The following ANKRD35 variants were observed in gnomAD, a reference collection of about 807,000 sequenced individuals.
The protein encoded by ANKRD35 is ankyrin repeat domain-containing protein 35.
A neutral mutation model predicts 109.9 loss-of-function variants in ANKRD35; 102 were observed. That is an observed-to-expected ratio of 0.93 (90% CI 0.79 to 1.09). ANKRD35 has a LOEUF of 1.09. Among genes scored for constraint, ANKRD35 ranks in the 50% least tolerant of loss-of-function variants. The probability of loss-of-function intolerance (pLI) is 0.00; values close to 1 mark genes in which losing one functional copy is unlikely to be tolerated. For synonymous variants in ANKRD35, 515 were observed against 512.4 expected, an observed-to-expected ratio of 1.01 and a Z score of -0.07; for missense variants, 1,240 against 1,230.1, an observed-to-expected ratio of 1.01 and a Z score of -0.12.
Position 145,872,998 on chromosome 1 carries a change from C to T in ANKRD35, c.1771G>A (p.Ala591Thr), listed in dbSNP as rs782412537. Reference protein sequence around the residue: ...DEEKEKRVPGAQGEPLGALGG... With the variant: ...DEEKEKRVPGTQGEPLGALGG... The stretch of plus-strand genomic sequence containing the variant: ...AGGGCCCCTAGAGGCTCTCCTTGAG[C>T]CCCAGGAACCCTTTTCTCCTTCTCT... Residue 591 changes from alanine (A) to threonine (T), a missense_variant, in exon 10 of 14, where the codon GCT becomes ACT. Physicochemically the swap from Ala to Thr is moderately conservative, Grantham distance 58. Transcript: ENST00000355594. 1.9e-6 allele frequency: 3 copies of T among 1,609,556 alleles called. No homozygotes were observed. Among genetic ancestry groups the T allele is most frequent in the Non-Finnish European group, 2.5e-6 (3 of 1,178,142 alleles).
rs1654095874 is a variant in ANKRD35, at chr1:145,876,829, T to C, written c.369A>G (p.Pro123=). Residue 123 remains proline, a synonymous_variant, in exon 5 of 14, where the codon CCA becomes CCG. Coordinates refer to ENST00000355594, the MANE Select transcript of ANKRD35 (RefSeq NM_144698.5). Reference sequence around the variant, plus strand: ...CCCTGCACACACCTGCCCAGTGCAATGGACTACGGTTTTCTGCATCCACAG... The same window carrying C: ...CCCTGCACACACCTGCCCAGTGCAACGGACTACGGTTTTCTGCATCCACAG... ...EDAVDAENRS[P]LHWAASSGCA... 3 of 1,614,058 alleles carry C rather than the reference T, an allele frequency of 1.9e-6. No individual in the cohort carries two copies. Among genetic ancestry groups the C allele is most frequent in the Admixed American group, 1.7e-5 (1 of 60,020 alleles).
rs1463831627 is a variant in ANKRD35 at position 145,885,761 on chromosome 1, C to A, written c.-3G>T. The A allele has an allele frequency of 1.9e-6, 3 of 1,613,808 alleles. No individual in the cohort carries two copies. In the African/African-American group the frequency reaches 4.0e-5, roughly 22 times the overall value. On this transcript the variant is annotated 5_prime_UTR_variant, in exon 1 of 14. Transcript: ENST00000355594. The stretch of plus-strand genomic sequence containing the variant: ...GAGCAGGAGAAGATACGCTTCATGG[C>A]CGGGGTCGGGGCCACGGGGGATGGG...
At position 145,869,188 on chromosome 1, in the gene ANKRD35, TG is replaced by T. The variant is rs200047152; in HGVS notation, c.2788-789del. Among the ~76,000 whole-genome samples the T allele has an allele frequency of 2.2e-3, 326 of 151,580 alleles. 2 individuals are homozygous for T. The East Asian group carries it at 0.023, about 11-fold the overall frequency. On this transcript the variant is annotated intron_variant, in intron 10 of 13. Transcript: ENST00000355594. ...GGAAGTTTGTTTTTTTGTTTTTTTT[TG>T]TTTGTTTGTTTTTTAGACTGAGTCT...
At chr1:145,868,143 C>G (rs1653673072) in intron 11 of ANKRD35, 87 bp from the exon 12 acceptor site, 1 of 1,508,768 alleles carries the variant, frequency 6.6e-7, no homozygotes, top group African/African-American at 1.4e-5. Context: ...TCAGCAGTAC[C>G]AGGTGGGCTC....
In ANKRD35 at chr1:145,874,698, A is replaced by C. The variant is rs930621284; in HGVS notation, c.745+124T>G. 29 of 1,212,412 alleles carry C rather than the reference A, an allele frequency of 2.4e-5. No individual in the cohort carries two copies. In the African/African-American group the frequency reaches 3.9e-4, roughly 16 times the overall value. The allele number at this position is 1,212,412 out of a possible 1,614,324, so 75.1% of individuals were successfully genotyped here. A position where few individuals can be genotyped will look rare whatever the true frequency, so the allele number is the denominator to read the frequency against. On this transcript the variant is annotated intron_variant, in intron 8 of 13. Coordinates refer to ENST00000355594, the MANE Select transcript of ANKRD35 (RefSeq NM_144698.5). ...GGTCCTCTCACAGTAGCAGCAATAA[A>C]TACGTAAACTCTCAACCCAGGTGAC... is the stretch of plus-strand genomic sequence containing the variant.
intron 7 of ANKRD35, among the ~76,000 whole-genome samples, chr1:145,875,425 A>G (rs7519186): frequency 0.43 from 64,702 of 151,920 alleles, 14,432 homozygotes; most frequent in African/African-American, 0.53. Flanking sequence ...GATTACAGGT[A>G]TGAGCCACTG....
At position 145,868,280 on chromosome 1, in the gene ANKRD35, TCCAGCACCATCC is replaced by T; in HGVS notation, c.2877+19_2877+30del. 1 of 1,608,018 alleles carries T rather than the reference TCCAGCACCATCC, an allele frequency of 6.2e-7. No homozygotes were observed. Among genetic ancestry groups the T allele is most frequent in the Non-Finnish European group, 8.5e-7 (1 of 1,174,494 alleles). ...ATCACTTCCACTGCTGACCTTCTTC[TCCAGCACCATCC>T]CTGACAGCCAAAACATACCTGCAGC... On this transcript the variant is annotated intron_variant, in intron 11 of 13. Coordinates refer to ENST00000355594, the MANE Select transcript of ANKRD35 (RefSeq NM_144698.5).
chr1:145,874,191 A>C lies in ANKRD35; in HGVS notation c.747T>G (p.Gly249=), dbSNP rs1653973456. ...GATCTGGGTGCTGGACTAGCCTCTG[A>C]CCTATAAGAAAAGATATGAGGAAAA... ...QQALSRRRRG[G]QRLVQHPDLA... Residue 249 remains glycine, a splice_region_variant and synonymous_variant, in exon 9 of 14, where the codon GGT becomes GGG. Transcript: ENST00000355594. 1.2e-6 allele frequency: 2 copies of C among 1,613,942 alleles called. No individual in the cohort carries two copies. The highest frequency in any genetic ancestry group is 3.3e-5 in the Admixed American group (2 of 60,004).
intron 2 of ANKRD35, 57 bp downstream of exon 2, chr1:145,879,201 T>G (rs1187892054): frequency 3.1e-5 from 47 of 1,504,968 alleles, no homozygotes; most frequent in Non-Finnish European, 4.1e-5. Flanking sequence ...TATATTGGAT[T>G]TGGGGGCTTC....
At position 145,873,874 on chromosome 1, in the gene ANKRD35, T is replaced by C. The variant is rs924180840; in HGVS notation, c.895A>G (p.Arg299Gly). The C allele has an allele frequency of 3.7e-6, 6 of 1,614,010 alleles. No individual in the cohort carries two copies. Among genetic ancestry groups the C allele is most frequent in the Non-Finnish European group, 4.2e-6 (5 of 1,179,970 alleles). ...EDEDPCSEEW[R>G]WKYEEERRKV... is the part of the protein sequence containing the mutation. ...CTCCGCTCCTCTTCATACTTCCACC[T>C]CCACTCCTCCGAGCACGGGTCTTCA... is the stretch of plus-strand genomic sequence containing the variant. Residue 299 changes from arginine to glycine, a missense_variant, in exon 10 of 14, where the codon AGG (arginine) becomes GGG (glycine). Physicochemically the swap from Arg to Gly is moderately radical, Grantham distance 125 (BLOSUM62 -2). Transcript: ENST00000355594.
chr1:145,884,903 C>T (rs1639173393), intron 1 of ANKRD35, among the ~76,000 whole-genome samples: 1 of 152,184 alleles, frequency 6.6e-6, no homozygotes, highest in Non-Finnish European at 1.5e-5. Context: ...CTGCAGGCAA[C>T]TCACCCAGTC....
chr1:145,879,386 C>T lies in ANKRD35; in HGVS notation c.42G>A (p.Val14=), dbSNP rs1181892402. Residue 14 remains valine, a splice_region_variant and synonymous_variant, in exon 2 of 14, where the codon GTG becomes GTA. Transcript: ENST00000355594. ...TCTGATCATGGCGGTTCCATCTCTC[C>T]ACCTGGTCCAGAGCCACAGGTTGTG... is the stretch of plus-strand genomic sequence containing the variant. ...IFSCSSTQVA[V]ERWNRHDQKL... 2 of 1,570,880 alleles carry T rather than the reference C, an allele frequency of 1.3e-6. No homozygotes were observed. Among genetic ancestry groups the T allele is most frequent in the Non-Finnish European group, 1.7e-6 (2 of 1,156,848 alleles).
Position 145,873,710 on chromosome 1 carries a change from T to C in ANKRD35, c.1059A>G (p.Arg353=), listed in dbSNP as rs1361917540. Residue 353 remains arginine, a synonymous_variant, in exon 10 of 14, where the codon AGA becomes AGG. Transcript: ENST00000355594. ...GACTAGAGCCTTGCTTTCCTGAAGC[T>C]CTGGGCTCCCAGGATAGGAGGACCC... ...ELGVLLSWEP[R]ASGKQGSSLR... is the part of the protein sequence containing the mutation. The C allele has an allele frequency of 6.2e-7, 1 of 1,613,910 alleles. No homozygotes were observed. The highest frequency in any genetic ancestry group is 8.5e-7 in the Non-Finnish European group (1 of 1,179,952).
intron 7 of ANKRD35, among the ~76,000 whole-genome samples, chr1:145,875,410 G>T (rs1376557479): frequency 1.3e-5 from 2 of 152,144 alleles, no homozygotes; most frequent in Admixed American, 6.5e-5. Flanking sequence ...CTCCCAAAGT[G>T]CTGGGATTAC....
rs185861631 is a variant in ANKRD35 at position 145,877,297 on chromosome 1, A to G, written c.325-424T>C. The stretch of plus-strand genomic sequence containing the variant: ...GCCCAGACTGGAGTGCAGTGGTGCG[A>G]TCTTGGATCACTGCAACCTCCGCCT... On this transcript the variant is annotated intron_variant, in intron 4 of 13. Transcript: ENST00000355594. 3.3e-4 allele frequency among the ~76,000 whole-genome samples: 48 copies of G among 147,624 alleles called. 1 individual carries two copies. In the East Asian group the frequency reaches 7.9e-3, roughly 24 times the overall value.
Position 145,876,113 on chromosome 1 carries a change from TGGGGTGCATAGACGA to T in ANKRD35, c.560+12_560+26del. 6.2e-7 allele frequency: 1 copy of T among 1,604,958 alleles called. No individual in the cohort carries two copies. The highest frequency in any genetic ancestry group is 8.5e-7 in the Non-Finnish European group (1 of 1,173,190). ...TTCTAAATTGGTCAGGCATGGGAAT[TGGGGTGCATAGACGA>T]GGGGGGCTCACTTGTCATTCTTGTC... On this transcript the variant is annotated intron_variant, in intron 7 of 13. Transcript: ENST00000355594.
At chr1:145,867,963 A>T (rs1553737985) in intron 12 of ANKRD35, 28 bp downstream of exon 12, 2 of 1,608,826 alleles carry the variant, frequency 1.2e-6, no homozygotes, top group South Asian at 2.2e-5. Context: ...TTATGTCTAT[A>T]CCTCCCTCAA....
rs781949171 is a variant in ANKRD35, at chr1:145,872,451, G to C, written c.2318C>G (p.Ala773Gly). 2 of 1,607,926 alleles carry C rather than the reference G, an allele frequency of 1.2e-6. No individual in the cohort carries two copies. The highest frequency in any genetic ancestry group is 1.7e-6 in the Non-Finnish European group (2 of 1,177,674). Residue 773 changes from alanine (A) to glycine (G), a missense_variant, in exon 10 of 14, where the codon GCC becomes GGC. Transcript: ENST00000355594. ...AGCGGCCACTTGGGGGGATGCTGGG[G>C]CCTTTAAGGAGGTGCCTGGCTCCCT... ...PCREPGTSLK[A>G]PASPQVAALE...
chr1:145,874,770 A>G lies in ANKRD35; in HGVS notation c.745+52T>C, dbSNP rs782235449. ...CTTCCATGGAAACAAATGGGACTCTAAGAAACTTCTCTGATTCTTAGAGAA... is the reference window on the plus strand; with the variant it reads ...CTTCCATGGAAACAAATGGGACTCTGAGAAACTTCTCTGATTCTTAGAGAA... On this transcript the variant is annotated intron_variant, in intron 8 of 13. Transcript: ENST00000355594. The G allele has an allele frequency of 3.3e-6, 5 of 1,495,244 alleles. No individual in the cohort carries two copies. In the South Asian group the frequency reaches 6.9e-5, roughly 21 times the overall value. The allele number at this position is 1,495,244 out of a possible 1,614,324, so 92.6% of individuals were successfully genotyped here. A position where few individuals can be genotyped will look rare whatever the true frequency, so the allele number is the denominator to read the frequency against.
Sources: gnomAD v4.1 joint callset for allele counts (sites outside exome capture counted in the v4.1 genomes callset) on GRCh38, gnomAD v4.1.1 for gene constraint, MANE v1.5 for transcripts, NCBI Gene and HGNC (gene_info 2026-07-23, HGNC 2026-07-21) for gene names.